SLC25A21: variants seen among roughly 807,000 people sequenced by gnomAD.
The protein encoded by SLC25A21 is solute carrier family 25 member 21, also known as mitochondrial 2-oxodicarboxylate carrier.
SLC25A21 carries 47 observed loss-of-function variants against 43.8 expected under a neutral mutation model. The ratio of observed to expected loss-of-function variants is 1.07; its 90% CI spans 0.85 to 1.37. The LOEUF is 1.37. Among genes scored for constraint, SLC25A21 ranks in the 40% most tolerant of loss-of-function variants. The probability of loss-of-function intolerance (pLI) is 0.00; values close to 1 mark genes in which losing one functional copy is unlikely to be tolerated. For missense variants in SLC25A21, 352 were observed against 350.2 expected (o/e 1.00, Z -0.04); for synonymous variants, 131 against 121.3 (o/e 1.08, Z -0.52).
In SLC25A21 at chr14:36,892,824, T is replaced by C. The variant is rs531691939; in HGVS notation, c.71-17820A>G. On this transcript the variant is annotated intron_variant, in intron 1 of 9. Coordinates refer to ENST00000331299, the MANE Select transcript of SLC25A21 (RefSeq NM_030631.4). ...TTTGGTTTTTTGTCCTTGCGATAGT[T>C]TGCTGAGAATGATGGTCTCTAGCTT... Among the ~76,000 whole-genome samples the C allele has an allele frequency of 4.4e-4, 67 of 152,138 alleles. 1 individual carries two copies. Among genetic ancestry groups the C allele is most frequent in the Non-Finnish European group, 9.0e-4 (61 of 68,038 alleles).
At chr14:37,147,502 CA>C (rs1434336544) in intron 1 of SLC25A21, among the ~76,000 whole-genome samples, 1 of 152,104 alleles carries the variant, frequency 6.6e-6, no homozygotes, top group Non-Finnish European at 1.5e-5. Flanking sequence ...TCCCATTCTC[CA>C]CCAGTTAGAG....
chr14:37,101,209 A>G (rs577372538), intron 1 of SLC25A21, among the ~76,000 whole-genome samples: 10 of 152,208 alleles, frequency 6.6e-5, no homozygotes, highest in Non-Finnish European at 1.3e-4. Flanking sequence ...CAATACAGAT[A>G]TATCTTTTCT....
chr14:36,788,775 G>GA (rs1380704590), intron 3 of SLC25A21: 2 of 151,844 alleles, frequency 1.3e-5, no homozygotes, highest in African/African-American at 4.8e-5. Flanking sequence ...CTTCCTAAGA[G>GA]AACCTCATCT....
At chr14:36,758,478 A>C (rs931192409) in intron 3 of SLC25A21, among the ~76,000 whole-genome samples, 1 of 151,884 alleles carries the variant, frequency 6.6e-6, no homozygotes, top group African/African-American at 2.4e-5. Context: ...CAACGCAGCC[A>C]ATTAGTCAGG....
rs75538670 is a variant in SLC25A21 at position 36,834,883 on chromosome 14, T to A, written c.120-20882A>T. On this transcript the variant is annotated intron_variant, in intron 2 of 9. Transcript: ENST00000331299. ...AGGTAAAGAATAGCATAAACACAAG[T>A]ATGATCACCAACAAATGGTAACCCT... Among the ~76,000 whole-genome samples, 262 of 152,240 alleles carry A rather than the reference T, an allele frequency of 1.7e-3. 7 individuals carry two copies. In the East Asian group the frequency reaches 0.04, roughly 23 times the overall value.
At chr14:36,702,459 G>A (rs552459488) in intron 7 of SLC25A21, among the ~76,000 whole-genome samples, 2 of 127,210 alleles carry the variant, frequency 1.6e-5, no homozygotes, top group African/African-American at 2.9e-5. Flanking sequence ...GGCAACACAG[G>A]GAGATCCTGT....
intron 1 of SLC25A21, among the ~76,000 whole-genome samples, chr14:37,026,359 G>A (rs1215760690): frequency 1.3e-5 from 2 of 152,034 alleles, no homozygotes; most frequent in Admixed American, 1.3e-4. Context: ...GGAGATTCTT[G>A]GCCAAGCTGG....
At chr14:36,715,878 G>C (rs1430653725) in intron 6 of SLC25A21, among the ~76,000 whole-genome samples, 1 of 152,036 alleles carries the variant, frequency 6.6e-6, no homozygotes, top group African/African-American at 2.4e-5. Flanking sequence ...TGGATCATGA[G>C]GTCAGGAGTG....
At chr14:36,836,170 A>C (rs980127958) in intron 2 of SLC25A21, among the ~76,000 whole-genome samples, 1 of 152,164 alleles carries the variant, frequency 6.6e-6, no homozygotes, top group African/African-American at 2.4e-5. Context: ...ATAAAACGGG[A>C]GTGCTCTTAA....
At chr14:37,093,398 G>A (rs577312641) in intron 1 of SLC25A21, among the ~76,000 whole-genome samples, 67 of 152,182 alleles carry the variant, frequency 4.4e-4, no homozygotes, top group South Asian at 3.1e-3. Context: ...TGTTACCCAC[G>A]CTTCATTCAT....
In SLC25A21 at chr14:36,678,467, A is replaced by ACAT. The variant is rs1298264445; in HGVS notation, c.*2188_*2190dup. 1 of 1,532,578 alleles carries ACAT rather than the reference A, an allele frequency of 6.5e-7. No individual in the cohort carries two copies. Among genetic ancestry groups the ACAT allele is most frequent in the African/African-American group, 1.4e-5 (1 of 72,942 alleles). The allele number at this position is 1,532,578 out of a possible 1,614,324, so 94.9% of individuals were successfully genotyped here. A position where few individuals can be genotyped will look rare whatever the true frequency, so the allele number is the denominator to read the frequency against. On this transcript the variant is annotated 3_prime_UTR_variant, in exon 10 of 10. Coordinates refer to ENST00000331299, the MANE Select transcript of SLC25A21 (RefSeq NM_030631.4). ...CTTTGATCTTGTAAAACTTCCATTG[A>ACAT]CATCTGGAGTTCCCAGTCTGGTGAG...
chr14:36,869,962 G>C (rs1478565075), intron 2 of SLC25A21, among the ~76,000 whole-genome samples: 2 of 152,166 alleles, frequency 1.3e-5, no homozygotes, highest in African/African-American at 4.8e-5. Context: ...GTAGGGAAAA[G>C]GAACCTGAAG....
chr14:36,766,411 G>A (rs139515744), intron 3 of SLC25A21, among the ~76,000 whole-genome samples: 130 of 152,202 alleles, frequency 8.5e-4, no homozygotes, highest in African/African-American at 2.9e-3. Context: ...ACACATTCCC[G>A]TCAGACTGAA....
chr14:36,945,039 C>T (rs1287539457), intron 1 of SLC25A21, among the ~76,000 whole-genome samples: 1 of 152,048 alleles, frequency 6.6e-6, no homozygotes, highest in Non-Finnish European at 1.5e-5. Context: ...TCAGGACAAC[C>T]AAAAGCCAAA....
intron 1 of SLC25A21, among the ~76,000 whole-genome samples, chr14:36,970,137 G>A (rs552955307): frequency 7.4e-4 from 113 of 152,226 alleles, no homozygotes; most frequent in African/African-American, 2.6e-3. Context: ...TTTTAATTAT[G>A]AAGAGAAAAT....
At chr14:37,149,831 GA>G (rs1250311807) in intron 1 of SLC25A21, among the ~76,000 whole-genome samples, 1 of 152,028 alleles carries the variant, frequency 6.6e-6, no homozygotes, top group Non-Finnish European at 1.5e-5. Flanking sequence ...CATTAAGAGA[GA>G]AAAAATAATT....
chr14:37,040,359 AAGAG>A (rs536517266), intron 1 of SLC25A21, among the ~76,000 whole-genome samples: 1,868 of 40,040 alleles, frequency 0.047, 374 homozygotes, highest in African/African-American at 0.084. Context: ...GAAGGAAAGA[AAGAG>A]AGAGAGAGAG....
intron 1 of SLC25A21, among the ~76,000 whole-genome samples, chr14:37,106,652 T>C (rs1468238228): frequency 6.6e-6 from 1 of 152,200 alleles, no homozygotes; most frequent in East Asian, 1.9e-4. Context: ...CAGAAGCATG[T>C]GATCTTTGTT....
intron 1 of SLC25A21, among the ~76,000 whole-genome samples, chr14:37,152,760 A>G (rs1406065256): frequency 2.6e-5 from 4 of 152,238 alleles, no homozygotes; most frequent in Non-Finnish European, 5.9e-5. Context: ...TGTAAAGCAA[A>G]AAACTTACAA....
Sources: allele counts gnomAD v4.1 joint callset (sites outside exome capture counted in the v4.1 genomes callset), GRCh38; gene constraint gnomAD v4.1.1; transcripts MANE v1.5; gene names NCBI Gene and HGNC (gene_info 2026-07-23, HGNC 2026-07-21).